The following DARS1 variants were observed in gnomAD, a reference collection of about 807,000 sequenced individuals.
DARS1 encodes the protein aspartyl-tRNA synthetase 1.
In DARS1, 51 loss-of-function variants were observed where a neutral mutation model predicts 68.8. That is an observed-to-expected ratio of 0.74 (90% confidence interval 0.59 to 0.94). The LOEUF (loss-of-function observed/expected upper bound fraction) is 0.94. Ranked by LOEUF, DARS1 falls within the 40% of genes least tolerant of loss-of-function variation. The pLI is 0.00. For synonymous variants in DARS1, 203 were observed against 190.4 expected, an observed-to-expected ratio of 1.07 and a Z score of -0.55; for missense variants, 607 against 597.3, an observed-to-expected ratio of 1.02 and a Z score of -0.17.
At chr2:135,920,384 A>G (rs1681089281) in intron 10 of DARS1, 69 bp downstream of exon 10, 5 of 1,502,506 alleles carry the variant, frequency 3.3e-6, no homozygotes, top group Non-Finnish European at 4.4e-6. Context: ...TTTAAATTGA[A>G]GAATTTTTTT....
At chr2:135,928,169 TTTAAG>T (rs1315657761) in intron 7 of DARS1, among the ~76,000 whole-genome samples, 2 of 152,198 alleles carry the variant, frequency 1.3e-5, no homozygotes, top group Non-Finnish European at 2.9e-5. Flanking sequence ...AAAATACCTA[TTTAAG>T]TTATCATCTT....
intron 2 of DARS1, 138 bp from the exon 3 acceptor site, chr2:135,979,504 G>A: frequency 1.7e-6 from 1 of 601,032 alleles, no homozygotes; most frequent in Non-Finnish European, 2.9e-6. Context: ...TGACAACACT[G>A]TCTTCTCTAT....
At chr2:135,975,958 A>T (rs1227304639) in intron 3 of DARS1, among the ~76,000 whole-genome samples, 1 of 152,138 alleles carries the variant, frequency 6.6e-6, no homozygotes, top group Non-Finnish European at 1.5e-5. Context: ...CAAACAAACC[A>T]ACCAAAAAAA....
chr2:135,958,973 TAA>T (rs985325503), intron 4 of DARS1, among the ~76,000 whole-genome samples: 2 of 144,750 alleles, frequency 1.4e-5, no homozygotes. Flanking sequence ...GTCCTTTGCT[TAA>T]AAAAAAAAAA....
intron 9 of DARS1, among the ~76,000 whole-genome samples, chr2:135,921,537 ATAAT>A (rs1681110353): frequency 6.6e-6 from 1 of 152,154 alleles, no homozygotes; most frequent in South Asian, 2.1e-4. Context: ...TTTATACTAC[ATAAT>A]TAACACCCAT....
chr2:135,916,818 C>CTA (rs1337775466), intron 10 of DARS1, among the ~76,000 whole-genome samples: 4 of 152,176 alleles, frequency 2.6e-5, no homozygotes, highest in African/African-American at 7.2e-5. Flanking sequence ...AATGCCTACC[C>CTA]TATATATATA....
At chr2:135,943,626 T>C (rs1163050258) in intron 4 of DARS1, 146 bp from the exon 5 acceptor site, 3 of 1,260,940 alleles carry the variant, frequency 2.4e-6, no homozygotes, top group Non-Finnish European at 3.2e-6. Flanking sequence ...TTAACCTACT[T>C]AGAATAAGCT....
At chr2:135,976,222 TCA>T (rs1034965787) in intron 3 of DARS1, among the ~76,000 whole-genome samples, 23 of 152,346 alleles carry the variant, frequency 1.5e-4, no homozygotes, top group African/African-American at 3.8e-4. Context: ...TTTCAAACTT[TCA>T]CAGTGTTTTT....
intron 4 of DARS1, among the ~76,000 whole-genome samples, chr2:135,949,676 C>G (rs985505223): frequency 1.3e-5 from 2 of 152,172 alleles, no homozygotes; most frequent in Non-Finnish European, 2.9e-5. Flanking sequence ...TTTTTATATG[C>G]ATTCATCCAT....
At position 135,907,261 on chromosome 2, in the gene DARS1, T is replaced by TTTTTTTTTTTTTGGCG; in HGVS notation, c.*54_*55insCGCCAAAAAAAAAAAA. On this transcript the variant is annotated 3_prime_UTR_variant, in exon 16 of 16. Coordinates refer to ENST00000264161, the MANE Select transcript of DARS1 (RefSeq NM_001349.4). ...GGCTTTCTTTTTTTTTTTTTTTTTT[T>TTTTTTTTTTTTTGGCG]GAGGCAGGGTCTCGCTCTGTCATCC... 1 of 889,242 alleles carries TTTTTTTTTTTTTGGCG rather than the reference T, an allele frequency of 1.1e-6. No homozygotes were observed. The highest frequency in any genetic ancestry group is 1.7e-6 in the Non-Finnish European group (1 of 601,878). The allele number at this position is 889,242 out of a possible 1,614,324, so 55.1% of individuals were successfully genotyped here.
rs190126584 is a variant in DARS1, at chr2:135,949,428, T to A, written c.321-5948A>T. 3.8e-3 allele frequency among the ~76,000 whole-genome samples: 571 copies of A among 152,116 alleles called. 3 individuals are homozygous for A. Among genetic ancestry groups the A allele is most frequent in the Admixed American group, 2.8e-3 (43 of 15,278 alleles). ...TTAAAATGGCACACATACAAAAAAA[T>A]TTTTTTTAAAAGAATAAAGGGATAA... On this transcript the variant is annotated intron_variant, in intron 4 of 15. Coordinates refer to ENST00000264161, the MANE Select transcript of DARS1 (RefSeq NM_001349.4).
chr2:135,948,877 C>CT (rs1553446275), intron 4 of DARS1, among the ~76,000 whole-genome samples: 1 of 132,192 alleles, frequency 7.6e-6, no homozygotes, highest in Admixed American at 7.3e-5. Flanking sequence ...CTCCCGTCTC[C>CT]AAAAAAAAAA....
At chr2:135,985,315 T>A in intron 1 of DARS1, 88 bp downstream of exon 1, 1 of 1,519,594 alleles carries the variant, frequency 6.6e-7, no homozygotes, top group East Asian at 2.3e-5. Flanking sequence ...GACAAGGACC[T>A]GTAGGGCCCC....
intron 3 of DARS1, among the ~76,000 whole-genome samples, chr2:135,965,748 T>C (rs1174776478): frequency 2.0e-5 from 3 of 152,160 alleles, no homozygotes; most frequent in Non-Finnish European, 4.4e-5. Context: ...GTTAAGGAAA[T>C]TGAAACAGAA....
chr2:135,922,838 A>G lies in DARS1; in HGVS notation c.757T>C (p.Tyr253His). ...NAYLAQSPQL[Y>H]KQMCICADFE... ...TCAGCACAAATGCACATTTGCTTAT[A>G]TAGCTGTGGGGACTGAGCCAGGTAT... The change falls in exon 9 of 16, where the codon TAT becomes CAT. Residue 253 changes from tyrosine (Y) to histidine (H), a missense_variant. By Grantham distance (83) the Tyr-to-His change is moderately conservative (BLOSUM62 2). Transcript: ENST00000264161. 3 of 1,592,842 alleles carry G rather than the reference A, an allele frequency of 1.9e-6. No individual in the cohort carries two copies. Among genetic ancestry groups the G allele is most frequent in the East Asian group, 2.3e-5 (1 of 43,472 alleles).
intron 5 of DARS1, among the ~76,000 whole-genome samples, chr2:135,935,324 C>T (rs923004988): frequency 1.3e-5 from 2 of 151,714 alleles, no homozygotes; most frequent in African/African-American, 2.4e-5. Flanking sequence ...AGGCCAGGCG[C>T]GGTGGCTCAC....
intron 10 of DARS1, among the ~76,000 whole-genome samples, chr2:135,917,314 G>A (rs1366162504): frequency 6.6e-6 from 1 of 152,128 alleles, no homozygotes; most frequent in African/African-American, 2.4e-5. Context: ...TGGTTGATGA[G>A]TTCATGGGGG....
Position 135,961,492 on chromosome 2 carries a change from T to G in DARS1, c.224A>C (p.Gln75Pro). 2.1e-6 allele frequency: 3 copies of G among 1,431,118 alleles called. No individual in the cohort carries two copies. The highest frequency in any genetic ancestry group is 3.0e-6 in the Non-Finnish European group (3 of 1,012,516). 88.7% of individuals were successfully genotyped at this position (1,431,118 alleles called of 1,614,324 possible). The change falls in exon 4 of 16, where the codon CAG becomes CCG. Residue 75 changes from glutamine (Q) to proline (P), a missense_variant. Coordinates refer to ENST00000264161, the MANE Select transcript of DARS1 (RefSeq NM_001349.4). ...RVHTSRAKGKQCFLVLRQQQF... is the reference protein window; with the variant it reads ...RVHTSRAKGKPCFLVLRQQQF... ...CTGCTGACGTAGGACTAAGAAGCAC[T>G]GTTTCCCTGAAAAAGACAGAAAGAA...
chr2:135,967,100 G>A (rs1416627168), intron 3 of DARS1, among the ~76,000 whole-genome samples: 1 of 152,158 alleles, frequency 6.6e-6, no homozygotes, highest in African/African-American at 2.4e-5. Flanking sequence ...AAAGATGTGA[G>A]GCAATCCTAT....
Sources: gnomAD v4.1 joint callset for allele counts (sites outside exome capture counted in the v4.1 genomes callset) on GRCh38, gnomAD v4.1.1 for gene constraint, MANE v1.5 for transcripts, NCBI Gene and HGNC (gene_info 2026-07-23, HGNC 2026-07-21) for gene names.